The following KATNA1 variants were observed in gnomAD, a reference collection of about 807,000 sequenced individuals.
KATNA1 encodes the protein katanin catalytic subunit A1.
Under a neutral mutation model 62.6 loss-of-function variants are expected in KATNA1, and 42 were observed. The ratio of observed to expected loss-of-function variants is 0.67; its 90% confidence interval spans 0.52 to 0.87. The LOEUF (loss-of-function observed/expected upper bound fraction) is 0.87. Ranked by LOEUF, KATNA1 falls within the 40% of genes least tolerant of loss-of-function variation. The pLI, the probability that KATNA1 is intolerant of heterozygous loss-of-function variation, is 0.00. For missense variants in KATNA1, 498 were observed against 612.5 expected (o/e 0.81, Z 1.97); for synonymous variants, 186 against 201.9 (o/e 0.92, Z 0.67).
At chr6:149,608,612 C>G (rs1778830072) in intron 4 of KATNA1, among the ~76,000 whole-genome samples, 1 of 152,212 alleles carries the variant, frequency 6.6e-6, no homozygotes, top group Non-Finnish European at 1.5e-5. Flanking sequence ...CTCAAACCCC[C>G]ACCAGGGTAG....
chr6:149,644,440 G>A (rs191090599), intron 1 of KATNA1, among the ~76,000 whole-genome samples: 1 of 151,920 alleles, frequency 6.6e-6, no homozygotes, highest in African/African-American at 2.4e-5. Context: ...GGCCAACATA[G>A]TGAAACCCTG....
At position 149,614,966 on chromosome 6, in the gene KATNA1, C is replaced by T. The variant is rs758559839; in HGVS notation, c.501+8137G>A. ...CCTGACCAACATGGTGAAACCGTCT[C>T]TACTAAAAATACAAAAATTAGCCAG... On this transcript the variant is annotated intron_variant, in intron 4 of 10. Transcript: ENST00000367411. Among the ~76,000 whole-genome samples, 123 of 151,974 alleles carry T rather than the reference C, an allele frequency of 8.1e-4. 1 individual carries two copies. The highest frequency in any genetic ancestry group is 1.2e-3 in the Admixed American group (18 of 15,248).
intron 1 of KATNA1, among the ~76,000 whole-genome samples, chr6:149,647,825 C>T (rs924647423): frequency 3.3e-5 from 5 of 152,172 alleles, no homozygotes; most frequent in African/African-American, 9.7e-5. Flanking sequence ...AGCGGCCCTT[C>T]GCGGTTTTAA....
At chr6:149,609,802 C>CAAAAAAAAAAAAAAAAAAAAAAAA (rs1169018343) in intron 4 of KATNA1, among the ~76,000 whole-genome samples, 2 of 64,526 alleles carry the variant, frequency 3.1e-5, no homozygotes, top group Non-Finnish European at 5.5e-5. Flanking sequence ...GACTCCATCT[C>CAAAAAAAAAAAAAAAAAAAAAAAA]AAAAAAAAAA....
At chr6:149,624,351 T>C (rs1309669992) in intron 3 of KATNA1, among the ~76,000 whole-genome samples, 1 of 152,356 alleles carries the variant, frequency 6.6e-6, no homozygotes, top group East Asian at 1.9e-4. Flanking sequence ...GAACAGTTAC[T>C]AGAACTCATG....
In KATNA1 at chr6:149,638,535, TAAG is replaced by T. The variant is rs767291480; in HGVS notation, c.10_12del (p.Leu4del). 7.4e-6 allele frequency: 12 copies of T among 1,612,580 alleles called. 1 individual carries two copies. In the South Asian group the frequency reaches 1.2e-4, roughly 16 times the overall value. On this transcript the variant is annotated inframe_deletion, in exon 2 of 11. Transcript: ENST00000367411. ...GCCAATTTTACATTCTCACTAATCA[TAAG>T]AAGACTCATGTTCAACTGTAAGCTA...
At chr6:149,642,423 C>T (rs1357999949) in intron 1 of KATNA1, among the ~76,000 whole-genome samples, 1 of 152,140 alleles carries the variant, frequency 6.6e-6, no homozygotes, top group Non-Finnish European at 1.5e-5. Context: ...CATGACCCAG[C>T]AATCCCACTC....
At chr6:149,633,236 T>C (rs1345689233) in intron 2 of KATNA1, among the ~76,000 whole-genome samples, 2 of 150,950 alleles carry the variant, frequency 1.3e-5, no homozygotes, top group African/African-American at 2.4e-5. Context: ...GCCTCCCGAG[T>C]AGCTGGGACT....
chr6:149,638,249 C>T, intron 2 of KATNA1, 137 bp downstream of exon 2: 5 of 761,178 alleles, frequency 6.6e-6, no homozygotes. Context: ...GCTAGGACTA[C>T]AGGAGTGAGC....
chr6:149,632,998 T>A, intron 2 of KATNA1, 82 bp from the exon 3 acceptor site: 1 of 1,095,792 alleles, frequency 9.1e-7, no homozygotes, highest in Non-Finnish European at 1.3e-6. Context: ...TTACTAGAGA[T>A]GTTACAAAAC....
intron 4 of KATNA1, 82 bp from the exon 5 acceptor site, chr6:149,604,864 A>C (rs933887593): frequency 3.6e-6 from 5 of 1,376,702 alleles, no homozygotes; most frequent in Non-Finnish European, 4.0e-6. Flanking sequence ...GACTCAAGTG[A>C]CGTCCTTTAA....
chr6:149,625,618 C>T (rs1160043385), intron 3 of KATNA1, among the ~76,000 whole-genome samples: 2 of 145,604 alleles, frequency 1.4e-5, no homozygotes, highest in Non-Finnish European at 3.0e-5. Context: ...AAACAGACCA[C>T]GACTGTCTCA....
intron 5 of KATNA1, 151 bp from the exon 6 acceptor site, chr6:149,603,524 G>A (rs942357646): frequency 3.0e-5 from 15 of 499,028 alleles, no homozygotes; most frequent in African/African-American, 3.0e-4. Flanking sequence ...CTGTGATGAG[G>A]CCCACCATGT....
chr6:149,627,100 G>C (rs1320637856), intron 3 of KATNA1, among the ~76,000 whole-genome samples: 1 of 151,398 alleles, frequency 6.6e-6, no homozygotes, highest in Non-Finnish European at 1.5e-5. Context: ...CTATCAAGAA[G>C]AATAAAGAAG....
intron 10 of KATNA1, 26 bp from the exon 11 acceptor site, chr6:149,595,260 C>T: frequency 6.3e-7 from 1 of 1,581,148 alleles, no homozygotes; most frequent in Non-Finnish European, 8.7e-7. Context: ...AAAACAACAA[C>T]AACACACACA....
intron 3 of KATNA1, among the ~76,000 whole-genome samples, chr6:149,624,063 G>A (rs1779514256): frequency 6.6e-6 from 1 of 152,128 alleles, no homozygotes; most frequent in South Asian, 2.1e-4. Flanking sequence ...CTGGGGACCA[G>A]AAGTGTTTTG....
chr6:149,616,468 T>C (rs1303334909), intron 4 of KATNA1, among the ~76,000 whole-genome samples: 2 of 152,136 alleles, frequency 1.3e-5, no homozygotes, highest in African/African-American at 4.8e-5. Flanking sequence ...CTTCAAAAAA[T>C]TAAAAATGAG....
chr6:149,631,603 C>A (rs1779843752), intron 3 of KATNA1: 1 of 150,020 alleles, frequency 6.7e-6, no homozygotes, highest in African/African-American at 2.5e-5. Context: ...ATCAGAGTTG[C>A]AATGACAAAA....
At chr6:149,618,255 A>T (rs1582778780) in intron 4 of KATNA1, among the ~76,000 whole-genome samples, 1 of 151,646 alleles carries the variant, frequency 6.6e-6, no homozygotes, top group Non-Finnish European at 1.5e-5. Flanking sequence ...AGACGGGCGG[A>T]TCACCTGAGG....
Sources: allele counts gnomAD v4.1 joint callset (sites outside exome capture counted in the v4.1 genomes callset), GRCh38; gene constraint gnomAD v4.1.1; transcripts MANE v1.5; gene names NCBI Gene and HGNC (gene_info 2026-07-23, HGNC 2026-07-21).